SIPA1L1: variants seen among roughly 807,000 people sequenced by gnomAD.
The protein encoded by SIPA1L1 is signal-induced proliferation-associated 1-like protein 1.
SIPA1L1 carries 26 observed loss-of-function variants against 162.7 expected under a neutral mutation model. The observed-to-expected ratio is 0.16, with a 90% confidence interval of 0.12 to 0.22. SIPA1L1 has a LOEUF of 0.22. Ranked by LOEUF, SIPA1L1 falls within the 10% of genes least tolerant of loss-of-function variation. The pLI, the probability that SIPA1L1 is intolerant of heterozygous loss-of-function variation, is 1.00. For missense variants in SIPA1L1, 1,874 were observed against 2,241.0 expected (o/e 0.84, Z 3.31); for synonymous variants, 829 against 837.4 (o/e 0.99, Z 0.17).
chr14:71,351,088 A>G (rs2036657797), intron 2 of SIPA1L1, among the ~76,000 whole-genome samples: 1 of 152,238 alleles, frequency 6.6e-6, no homozygotes, highest in Non-Finnish European at 1.5e-5. Flanking sequence ...CAAGTTTAAA[A>G]TATGCCTTTA....
chr14:71,388,564 T>C (rs2040514341), intron 2 of SIPA1L1, among the ~76,000 whole-genome samples: 1 of 152,220 alleles, frequency 6.6e-6, no homozygotes, highest in Non-Finnish European at 1.5e-5. Flanking sequence ...CTAGAGGCAC[T>C]TTGTTGGCCC....
intron 7 of SIPA1L1, among the ~76,000 whole-genome samples, chr14:71,647,388 C>CT (rs113789866): frequency 3.7e-4 from 54 of 145,836 alleles, no homozygotes; most frequent in South Asian, 6.6e-4. Flanking sequence ...CTGCAGGAAA[C>CT]TTTTTTTTTT....
intron 8 of SIPA1L1, among the ~76,000 whole-genome samples, chr14:71,652,342 G>A (rs927266507): frequency 6.6e-6 from 1 of 152,154 alleles, no homozygotes; most frequent in Non-Finnish European, 1.5e-5. Context: ...TTCGTTCTGT[G>A]TGCTGTGATG....
At position 71,344,767 on chromosome 14, in the gene SIPA1L1, C is replaced by T. The variant is rs147167665; in HGVS notation, c.-465+23586C>T. Among the ~76,000 whole-genome samples the T allele has an allele frequency of 1.6e-3, 239 of 152,152 alleles. 1 individual carries two copies. Among genetic ancestry groups the T allele is most frequent in the African/African-American group, 3.5e-3 (147 of 41,506 alleles). ...GGTAGAGACGGACGGGGTTTTGCCA[C>T]GTTACACAGGCTGCTCTCCAACTGC... On this transcript the variant is annotated intron_variant, in intron 2 of 23. Transcript: ENST00000381232.
chr14:71,449,777 T>C (rs905471847), intron 2 of SIPA1L1, among the ~76,000 whole-genome samples: 2 of 152,354 alleles, frequency 1.3e-5, no homozygotes, highest in African/African-American at 2.4e-5. Context: ...ATTCTTTTAG[T>C]GCCAGTTTTC....
At chr14:71,514,824 C>T (rs2144574240) in intron 3 of SIPA1L1, among the ~76,000 whole-genome samples, 1 of 152,342 alleles carries the variant, frequency 6.6e-6, no homozygotes. Flanking sequence ...AACTAACCAT[C>T]ACACCTAGTG....
intron 4 of SIPA1L1, among the ~76,000 whole-genome samples, chr14:71,572,718 C>G (rs10141411): frequency 0.013 from 1,998 of 152,180 alleles, 37 homozygotes; most frequent in African/African-American, 0.045. Context: ...GAAAGAATAA[C>G]AAGATTTTTT....
At chr14:71,469,851 G>A (rs2047313195) in intron 2 of SIPA1L1, among the ~76,000 whole-genome samples, 1 of 152,216 alleles carries the variant, frequency 6.6e-6, no homozygotes. Context: ...CTTTGATCAA[G>A]CGTTGGATAA....
At chr14:71,566,505 G>A (rs2030614152) in intron 4 of SIPA1L1, among the ~76,000 whole-genome samples, 1 of 152,170 alleles carries the variant, frequency 6.6e-6, no homozygotes, top group Non-Finnish European at 1.5e-5. Flanking sequence ...TTGAATTGGT[G>A]TGGCATTAGC....
chr14:71,556,745 G>A (rs987162815), intron 4 of SIPA1L1, among the ~76,000 whole-genome samples: 1 of 152,210 alleles, frequency 6.6e-6, no homozygotes, highest in African/African-American at 2.4e-5. Flanking sequence ...CTTCAAACCT[G>A]GTCCTTTGGG....
chr14:71,404,604 T>G (rs184066252), intron 2 of SIPA1L1, among the ~76,000 whole-genome samples: 154 of 152,336 alleles, frequency 1.0e-3, no homozygotes, highest in African/African-American at 3.6e-3. Flanking sequence ...TTTTCTGATT[T>G]CACTTAAGTT....
intron 4 of SIPA1L1, among the ~76,000 whole-genome samples, chr14:71,576,147 C>T (rs955838621): frequency 1.3e-5 from 2 of 152,170 alleles, no homozygotes; most frequent in Non-Finnish European, 2.9e-5. Context: ...GAAAGTCTCA[C>T]TGGGGAGAGA....
At chr14:71,440,512 ATG>A (rs1384165592) in intron 2 of SIPA1L1, among the ~76,000 whole-genome samples, 1 of 151,424 alleles carries the variant, frequency 6.6e-6, no homozygotes, top group African/African-American at 2.4e-5. Flanking sequence ...CTAACTGACC[ATG>A]GGTGGGTGCC....
At chr14:71,585,693 G>T (rs116884346) in intron 4 of SIPA1L1, among the ~76,000 whole-genome samples, 209 of 152,316 alleles carry the variant, frequency 1.4e-3, no homozygotes, top group Non-Finnish European at 2.5e-3. Flanking sequence ...TTTGGGGAAT[G>T]AAAGATGATT....
chr14:71,621,740 C>T (rs528594704), intron 6 of SIPA1L1, among the ~76,000 whole-genome samples: 161 of 152,288 alleles, frequency 1.1e-3, no homozygotes, highest in South Asian at 8.9e-3. Flanking sequence ...ACAACGTGCC[C>T]GATTCCTCAA....
At chr14:71,517,918 C>T (rs1393085298) in intron 3 of SIPA1L1, among the ~76,000 whole-genome samples, 1 of 151,954 alleles carries the variant, frequency 6.6e-6, no homozygotes, top group East Asian at 1.9e-4. Context: ...TAATTTGTGG[C>T]TTATCTTTTT....
intron 2 of SIPA1L1, among the ~76,000 whole-genome samples, chr14:71,459,898 T>G (rs1439059507): frequency 2.0e-5 from 3 of 152,192 alleles, no homozygotes; most frequent in African/African-American, 7.2e-5. Flanking sequence ...ACATATCTCC[T>G]GAGATCATAC....
At chr14:71,408,355 G>T (rs1474829942) in intron 2 of SIPA1L1, among the ~76,000 whole-genome samples, 1 of 151,832 alleles carries the variant, frequency 6.6e-6, no homozygotes, top group Non-Finnish European at 1.5e-5. Context: ...GTTTCATGCT[G>T]TGGGCTAAGC....
At chr14:71,618,381 G>A (rs1015634692) in intron 5 of SIPA1L1, among the ~76,000 whole-genome samples, 7 of 152,176 alleles carry the variant, frequency 4.6e-5, no homozygotes, top group Non-Finnish European at 1.0e-4. Context: ...TGTTTAGAAT[G>A]TTTTTGAAAA....
Sources: gnomAD v4.1 joint callset for allele counts (sites outside exome capture counted in the v4.1 genomes callset) on GRCh38, gnomAD v4.1.1 for gene constraint, MANE v1.5 for transcripts, NCBI Gene and HGNC (gene_info 2026-07-23, HGNC 2026-07-21) for gene names.